The following PACRG variants were observed in gnomAD, a reference collection of about 807,000 sequenced individuals.
PACRG encodes parkin coregulated gene protein.
A neutral mutation model predicts 29.7 loss-of-function variants in PACRG; 29 were observed. That is an observed-to-expected ratio of 0.98 (90% CI 0.73 to 1.33). The LOEUF is 1.33. Ranked by LOEUF, PACRG falls within the 40% of genes most tolerant of loss-of-function variation. The pLI, the probability that PACRG is intolerant of heterozygous loss-of-function variation, is 0.00. For synonymous variants in PACRG, 116 were observed against 118.7 expected (o/e 0.98, Z 0.15); for missense variants, 279 against 316.2 (o/e 0.88, Z 0.89).
At chr6:163,296,998 AACTTGAATAGCTG>A (rs2128188814) in intron 4 of PACRG, among the ~76,000 whole-genome samples, 1 of 152,340 alleles carries the variant, frequency 6.6e-6, no homozygotes, top group Non-Finnish European at 1.5e-5. Flanking sequence ...ATTTTACCTT[AACTTGAATAGCTG>A]TCAATTGTCG....
intron 2 of PACRG, among the ~76,000 whole-genome samples, chr6:163,038,551 C>A (rs1315579779): frequency 6.6e-6 from 1 of 152,114 alleles, no homozygotes; most frequent in African/African-American, 2.4e-5. Context: ...AGAGAGACTG[C>A]TATCCAGAGG....
At chr6:163,265,264 G>T (rs370459104) in intron 4 of PACRG, among the ~76,000 whole-genome samples, 1 of 152,118 alleles carries the variant, frequency 6.6e-6, no homozygotes, top group Admixed American at 6.5e-5. Context: ...GGTGTGGGTG[G>T]CTCCATCACC....
intron 2 of PACRG, among the ~76,000 whole-genome samples, chr6:162,829,059 T>A (rs2128389483): frequency 6.6e-6 from 1 of 152,346 alleles, no homozygotes; most frequent in Middle Eastern, 3.4e-3. Flanking sequence ...TTTTCACATT[T>A]CAAAAATAAG....
chr6:162,796,342 T>G (rs552739908), intron 1 of PACRG, among the ~76,000 whole-genome samples: 1 of 152,258 alleles, frequency 6.6e-6, no homozygotes, highest in African/African-American at 2.4e-5. Flanking sequence ...TTTATATTTA[T>G]TAATAGCTGA....
chr6:163,135,655 T>C (rs550946113), intron 4 of PACRG, among the ~76,000 whole-genome samples: 3 of 152,354 alleles, frequency 2.0e-5, no homozygotes, highest in South Asian at 2.1e-4. Flanking sequence ...GGAGTGATTT[T>C]AAGGTAAATA....
chr6:163,065,750 G>C (rs1045880769), intron 3 of PACRG, among the ~76,000 whole-genome samples: 3 of 152,140 alleles, frequency 2.0e-5, no homozygotes, highest in Admixed American at 6.5e-5. Context: ...GAGGAGATTA[G>C]ACTCAAATAA....
intron 4 of PACRG, among the ~76,000 whole-genome samples, chr6:163,270,366 A>G (rs545759935): frequency 1.8e-4 from 27 of 152,244 alleles, no homozygotes; most frequent in Admixed American, 3.9e-4. Context: ...AAAACATAAA[A>G]TGAATTTTTT....
intron 2 of PACRG, among the ~76,000 whole-genome samples, chr6:162,862,044 G>T (rs757455288): frequency 1.3e-5 from 2 of 152,088 alleles, no homozygotes; most frequent in Non-Finnish European, 2.9e-5. Context: ...GGTTTTAGGC[G>T]ACAGAACTCC....
intron 4 of PACRG, among the ~76,000 whole-genome samples, chr6:163,104,451 G>A (rs759553897): frequency 2.3e-4 from 35 of 152,108 alleles, no homozygotes; most frequent in Non-Finnish European, 3.5e-4. Context: ...TTTTTAAAAA[G>A]AAGTTTATTT....
chr6:162,917,904 C>A (rs1192202129), intron 2 of PACRG, among the ~76,000 whole-genome samples: 2 of 152,146 alleles, frequency 1.3e-5, no homozygotes, highest in Non-Finnish European at 2.9e-5. Context: ...TGTCATCATT[C>A]TTGTCATTTT....
intron 1 of PACRG, among the ~76,000 whole-genome samples, chr6:162,784,907 A>G (rs964036040): frequency 6.6e-6 from 1 of 152,144 alleles, no homozygotes; most frequent in South Asian, 2.1e-4. Context: ...AAAAATGGGA[A>G]TGGAGATGTT....
chr6:162,956,062 A>G (rs2128136975), intron 2 of PACRG, among the ~76,000 whole-genome samples: 1 of 152,286 alleles, frequency 6.6e-6, no homozygotes, highest in African/African-American at 2.4e-5. Context: ...CAGGGCAAGC[A>G]CATACCCTGT....
At chr6:162,947,623 T>TATATATATAATC in intron 2 of PACRG, among the ~76,000 whole-genome samples, 1 of 33,854 alleles carries the variant, frequency 3.0e-5, no homozygotes, top group South Asian at 1.3e-3. Flanking sequence ...TATATATATA[T>TATATATATAATC]ATATATATAT....
At position 162,853,516 on chromosome 6, in the gene PACRG, A is replaced by G. The variant is rs1444570695; in HGVS notation, c.291+39235A>G. Among the ~76,000 whole-genome samples, 1 of 152,208 alleles carries G rather than the reference A, an allele frequency of 6.6e-6. No homozygotes were observed. The highest frequency in any genetic ancestry group is 1.5e-5 in the Non-Finnish European group (1 of 68,034). ...ATCTTCTTGTTTTTATCACAGCCTT[A>G]ATAAGACAGAAAGAAATATGCATAC... On this transcript the variant is annotated intron_variant, in intron 2 of 4. Coordinates refer to ENST00000366888, the MANE Select transcript of PACRG (RefSeq NM_001080379.2). The surrounding 1 kb of genome is among the most constrained non-coding windows in gnomAD (Gnocchi z 4.7).
chr6:163,191,411 G>GC (rs1290844952), intron 4 of PACRG, among the ~76,000 whole-genome samples: 1 of 151,982 alleles, frequency 6.6e-6, no homozygotes, highest in Non-Finnish European at 1.5e-5. Flanking sequence ...ATGGCGAGTG[G>GC]CCCCCCAACG....
chr6:163,040,957 G>T (rs1808636114), intron 2 of PACRG, among the ~76,000 whole-genome samples: 1 of 152,148 alleles, frequency 6.6e-6, no homozygotes. Flanking sequence ...TTTGAAATGT[G>T]AAAAGGACAT....
chr6:163,192,818 G>T (rs1443120737), intron 4 of PACRG, among the ~76,000 whole-genome samples: 2 of 152,184 alleles, frequency 1.3e-5, no homozygotes, highest in Admixed American at 6.5e-5. Flanking sequence ...GGGAGCATCT[G>T]TCAAGGGTTG....
intron 2 of PACRG, among the ~76,000 whole-genome samples, chr6:162,849,249 A>C (rs1302399486): frequency 1.3e-5 from 2 of 152,224 alleles, no homozygotes; most frequent in Admixed American, 1.3e-4. Context: ...TTAATCACAC[A>C]CATGTAAAGG....
chr6:163,106,391 C>A (rs1228344958), intron 4 of PACRG, among the ~76,000 whole-genome samples: 1 of 152,110 alleles, frequency 6.6e-6, no homozygotes, highest in Non-Finnish European at 1.5e-5. Context: ...CCTAAACTTC[C>A]AGTTTCTTCC....
Sources: gnomAD v4.1 joint callset for allele counts (sites outside exome capture counted in the v4.1 genomes callset) on GRCh38, gnomAD v4.1.1 for gene constraint, Gnocchi (gnomAD v3.1) non-coding constraint, MANE v1.5 for transcripts, NCBI Gene and HGNC (gene_info 2026-07-23, HGNC 2026-07-21) for gene names.